The following RALGAPA1 variants were observed in gnomAD, a reference collection of about 807,000 sequenced individuals.
The protein encoded by RALGAPA1 is Ral GTPase activating protein catalytic subunit alpha 1.
RALGAPA1 carries 52 observed loss-of-function variants against 269.6 expected under a neutral mutation model. The observed-to-expected ratio is 0.19, with a 90% CI of 0.15 to 0.24. The LOEUF (loss-of-function observed/expected upper bound fraction) is 0.24. Among genes scored for constraint, RALGAPA1 ranks in the 10% least tolerant of loss-of-function variants. RALGAPA1 has a pLI of 1.00. For synonymous variants in RALGAPA1, 817 were observed against 1,008.3 expected, an observed-to-expected ratio of 0.81 and a Z score of 3.60; for missense variants, 1,917 against 3,013.9, an observed-to-expected ratio of 0.64 and a Z score of 8.52.
intron 6 of RALGAPA1, among the ~76,000 whole-genome samples, chr14:35,758,243 C>CAAAAAAAAAAAAAAAAA (rs66473514): frequency 2.0e-5 from 1 of 49,744 alleles, no homozygotes; most frequent in Non-Finnish European, 4.0e-5. Flanking sequence ...GACTCTGTCT[C>CAAAAAAAAAAAAAAAAA]AAAAAAAAAA....
chr14:35,630,916 T>C (rs1378706919), intron 33 of RALGAPA1, among the ~76,000 whole-genome samples: 1 of 152,042 alleles, frequency 6.6e-6, no homozygotes, highest in Non-Finnish European at 1.5e-5. Context: ...TCCAATTATA[T>C]TGAAATTTTT....
intron 31 of RALGAPA1, among the ~76,000 whole-genome samples, chr14:35,649,847 T>A (rs2062695161): frequency 6.6e-6 from 1 of 152,198 alleles, no homozygotes; most frequent in South Asian, 2.1e-4. Flanking sequence ...TACCTCTGTT[T>A]AGTGCCTAGC....
intron 1 of RALGAPA1, among the ~76,000 whole-genome samples, chr14:35,783,435 A>G (rs548098855): frequency 6.6e-6 from 1 of 152,294 alleles, no homozygotes; most frequent in Admixed American, 6.5e-5. Context: ...AATTAACTCA[A>G]AATGGATCAA....
intron 17 of RALGAPA1, among the ~76,000 whole-genome samples, chr14:35,693,364 G>A (rs2066649171): frequency 6.6e-6 from 1 of 151,624 alleles, no homozygotes; most frequent in Non-Finnish European, 1.5e-5. Context: ...ACTTTGAATT[G>A]CTAAAAATAA....
chr14:35,668,034 C>A (rs1216587856), intron 26 of RALGAPA1, among the ~76,000 whole-genome samples: 1 of 152,114 alleles, frequency 6.6e-6, no homozygotes, highest in African/African-American at 2.4e-5. Context: ...ATTATGTTAA[C>A]TGAAATAAGC....
chr14:35,758,674 G>A (rs1595453545), intron 6 of RALGAPA1, among the ~76,000 whole-genome samples: 1 of 152,220 alleles, frequency 6.6e-6, no homozygotes, highest in Non-Finnish European at 1.5e-5. Context: ...AAGAGTTCAA[G>A]GCTACAGTGC....
Position 35,748,159 on chromosome 14 carries a change from T to C in RALGAPA1, c.1251+426A>G, listed in dbSNP as rs546157516. 1.6e-4 allele frequency among the ~76,000 whole-genome samples: 25 copies of C among 152,018 alleles called. No individual in the cohort carries two copies. In the East Asian group the frequency reaches 3.9e-3, roughly 23 times the overall value. ...CAGGAGTATAAGGGGAAAATAATTATTACGCTAAAAGTATCACAAACTAAA... is the reference window on the plus strand; with the variant it reads ...CAGGAGTATAAGGGGAAAATAATTACTACGCTAAAAGTATCACAAACTAAA... On this transcript the variant is annotated intron_variant, in intron 10 of 41. Coordinates refer to ENST00000680220, the MANE Select transcript of RALGAPA1 (RefSeq NM_001346249.2).
chr14:35,625,642 T>C (rs749266056), intron 34 of RALGAPA1, among the ~76,000 whole-genome samples: 1 of 152,236 alleles, frequency 6.6e-6, no homozygotes, highest in Non-Finnish European at 1.5e-5. Context: ...TAGTGGATCA[T>C]ATCAATTGGC....
intron 11 of RALGAPA1, 62 bp from the exon 12 acceptor site, chr14:35,738,712 A>C: frequency 7.3e-7 from 1 of 1,367,910 alleles, no homozygotes; most frequent in East Asian, 2.3e-5. Context: ...TAGTCAGTTA[A>C]GTTGAAAAGG....
At chr14:35,612,091 G>A (rs964557098) in intron 35 of RALGAPA1, among the ~76,000 whole-genome samples, 39 of 152,106 alleles carry the variant, frequency 2.6e-4, no homozygotes, top group Admixed American at 6.5e-4. Context: ...AATGAAGTTG[G>A]GGCCAGGCAC....
At chr14:35,609,732 G>A (rs1287630249) in intron 35 of RALGAPA1, among the ~76,000 whole-genome samples, 2 of 152,018 alleles carry the variant, frequency 1.3e-5, no homozygotes, top group East Asian at 3.9e-4. Context: ...AGACCAGCCT[G>A]GGCAACACAG....
chr14:35,611,917 T>C (rs1158997438), intron 35 of RALGAPA1, among the ~76,000 whole-genome samples: 1 of 152,228 alleles, frequency 6.6e-6, no homozygotes, highest in Non-Finnish European at 1.5e-5. Context: ...GCACTCATAG[T>C]AATGATGTAA....
rs554181133 is a variant in RALGAPA1 at position 35,595,709 on chromosome 14, A to G, written c.7134T>C (p.Ala2378=). The G allele has an allele frequency of 5.6e-6, 9 of 1,612,436 alleles. No homozygotes were observed. Among genetic ancestry groups the G allele is most frequent in the Admixed American group, 1.7e-5 (1 of 59,998 alleles). Residue 2378 remains alanine, a synonymous_variant, in exon 37 of 42, where the codon GCT becomes GCC. Coordinates refer to ENST00000680220, the MANE Select transcript of RALGAPA1 (RefSeq NM_001346249.2). ...GAAATATTACCTCTACTGTAGAGGT[A>G]GCAAAATATGGAGTGGTCAATCCAG... ...KSTGLTTPYF[A]TSTVEVIFHV... is the part of the protein sequence containing the mutation.
intron 10 of RALGAPA1, among the ~76,000 whole-genome samples, chr14:35,745,337 A>G (rs1430363349): frequency 2.0e-5 from 3 of 152,112 alleles, no homozygotes. Context: ...ACAGTAATCA[A>G]AACAGTATGG....
chr14:35,704,151 C>A (rs2140692827), intron 16 of RALGAPA1, among the ~76,000 whole-genome samples: 1 of 152,198 alleles, frequency 6.6e-6, no homozygotes, highest in East Asian at 1.9e-4. Flanking sequence ...GGCCTATTAT[C>A]ATAATACACA....
chr14:35,758,243 C>CAAAAAAAAAA (rs66473514), intron 6 of RALGAPA1, among the ~76,000 whole-genome samples: 3 of 49,746 alleles, frequency 6.0e-5, no homozygotes, highest in Non-Finnish European at 1.2e-4. Context: ...GACTCTGTCT[C>CAAAAAAAAAA]AAAAAAAAAA....
At chr14:35,782,671 G>A (rs979335359) in intron 1 of RALGAPA1, among the ~76,000 whole-genome samples, 4 of 151,842 alleles carry the variant, frequency 2.6e-5, no homozygotes, top group African/African-American at 4.8e-5. Context: ...TGATCCACCC[G>A]CCATGGCCTC....
chr14:35,643,181 G>C (rs1010737191), intron 31 of RALGAPA1, among the ~76,000 whole-genome samples: 3 of 151,540 alleles, frequency 2.0e-5, no homozygotes, highest in African/African-American at 7.3e-5. Flanking sequence ...AGGGCCTTTC[G>C]AGGGGTGGGG....
chr14:35,791,286 C>A (rs571932732), intron 1 of RALGAPA1, among the ~76,000 whole-genome samples: 1 of 152,280 alleles, frequency 6.6e-6, no homozygotes, highest in South Asian at 2.1e-4. Context: ...CAGATAAGGG[C>A]ATATGCAACA....
Sources: allele counts gnomAD v4.1 joint callset (sites outside exome capture counted in the v4.1 genomes callset), GRCh38; gene constraint gnomAD v4.1.1; transcripts MANE v1.5; gene names NCBI Gene and HGNC (gene_info 2026-07-23, HGNC 2026-07-21).